The following PDZRN4 variants were observed in gnomAD, a reference collection of about 807,000 sequenced individuals.
PDZRN4 encodes PDZ domain containing ring finger 4.
In PDZRN4, 70 loss-of-function variants were observed where a neutral mutation model predicts 99.0. That is an observed-to-expected ratio of 0.71 (90% CI 0.58 to 0.86). The LOEUF (loss-of-function observed/expected upper bound fraction) is 0.86, where lower values mean the gene tolerates loss of function less well. Ranked by LOEUF, PDZRN4 falls within the 40% of genes least tolerant of loss-of-function variation. The pLI is 0.00. For missense variants in PDZRN4, 1,474 were observed against 1,331.2 expected (o/e 1.11, Z -1.67); for synonymous variants, 551 against 501.6 (o/e 1.10, Z -1.32).
At chr12:41,440,546 G>T (rs1466206750) in intron 3 of PDZRN4, among the ~76,000 whole-genome samples, 1 of 152,062 alleles carries the variant, frequency 6.6e-6, no homozygotes, top group Non-Finnish European at 1.5e-5. Context: ...GTGAAATGAG[G>T]TCAAGTTTAT....
At chr12:41,402,234 TAC>T (rs376908907) in intron 3 of PDZRN4, among the ~76,000 whole-genome samples, 6 of 4,532 alleles carry the variant, frequency 1.3e-3, no homozygotes, top group African/African-American at 4.0e-3. Context: ...ACACTGAGTA[TAC>T]ATATATATAT....
intron 3 of PDZRN4, among the ~76,000 whole-genome samples, chr12:41,308,427 T>C (rs1384009531): frequency 6.6e-6 from 1 of 152,158 alleles, no homozygotes; most frequent in Non-Finnish European, 1.5e-5. Flanking sequence ...TATCGCATTA[T>C]TCATATGTGT....
At chr12:41,197,393 T>C (rs1435700445) in intron 3 of PDZRN4, among the ~76,000 whole-genome samples, 4 of 152,166 alleles carry the variant, frequency 2.6e-5, no homozygotes, top group Admixed American at 6.6e-5. Flanking sequence ...AAAATTACTG[T>C]CATTAGGTAA....
chr12:41,525,795 A>C (rs1023310248), intron 5 of PDZRN4, among the ~76,000 whole-genome samples: 2 of 152,288 alleles, frequency 1.3e-5, no homozygotes, highest in Admixed American at 6.5e-5. Flanking sequence ...ACAAGGAAGA[A>C]TGCTCTGAGA....
chr12:41,546,567 AATGACTTTGTTCTTTGCTTCTTGTGTTT>A (rs1243462795), intron 5 of PDZRN4, among the ~76,000 whole-genome samples: 1 of 152,162 alleles, frequency 6.6e-6, no homozygotes, highest in Non-Finnish European at 1.5e-5. Flanking sequence ...TGTGATTGTG[AATGACTTTGTTCTTTGCTTCTTGTGTTT>A]TTCAGTTTCC....
In PDZRN4 at chr12:41,482,110, T is replaced by A. The variant is rs372333360; in HGVS notation, c.844-24346T>A. Among the ~76,000 whole-genome samples the A allele has an allele frequency of 5.9e-5, 9 of 152,266 alleles. No homozygotes were observed. In the East Asian group the frequency reaches 9.6e-4, roughly 16 times the overall value. On this transcript the variant is annotated intron_variant, in intron 3 of 9. Transcript: ENST00000402685. ...AGCTTGGATCAGTGAATCACTGATG[T>A]CTGACCATTGGGTTGCCTTCTCTTT...
chr12:41,412,647 T>A (rs2120381279), intron 3 of PDZRN4: 1 of 152,296 alleles, frequency 6.6e-6, no homozygotes. Context: ...AATCAGAATG[T>A]TTCACATGAT....
In PDZRN4 at chr12:41,569,474, C is replaced by T. The variant is rs145064929; in HGVS notation, c.1584+1575C>T. Among the ~76,000 whole-genome samples, 27 of 152,000 alleles carry T rather than the reference C, an allele frequency of 1.8e-4. No individual in the cohort carries two copies. The East Asian group carries it at 5.1e-3, about 29-fold the overall frequency. ...TTCACCATGTTGACCAGGCTGGCCT[C>T]GAACTCCTGACCTCAAGTGCTCCAC... On this transcript the variant is annotated intron_variant, in intron 9 of 9. Coordinates refer to ENST00000402685, the MANE Select transcript of PDZRN4 (RefSeq NM_001164595.2).
At chr12:41,538,519 C>G (rs10506195) in intron 5 of PDZRN4, among the ~76,000 whole-genome samples, 24,323 of 151,952 alleles carry the variant, frequency 0.16, 2,120 homozygotes, top group South Asian at 0.24. Flanking sequence ...GCTACTAAAC[C>G]AGAATGAAGA....
At chr12:41,238,045 A>G (rs1951078499) in intron 3 of PDZRN4, among the ~76,000 whole-genome samples, 1 of 152,072 alleles carries the variant, frequency 6.6e-6, no homozygotes, top group Non-Finnish European at 1.5e-5. Context: ...CACTGACTCT[A>G]TAGATTACTT....
chr12:41,381,847 C>T (rs1198767991), intron 3 of PDZRN4, among the ~76,000 whole-genome samples: 1 of 152,140 alleles, frequency 6.6e-6, no homozygotes, highest in African/African-American at 2.4e-5. Flanking sequence ...TCTTCCAGCC[C>T]TTAGACATTT....
At chr12:41,523,084 C>T (rs10880091) in intron 5 of PDZRN4, among the ~76,000 whole-genome samples, 21,202 of 152,028 alleles carry the variant, frequency 0.14, 1,950 homozygotes, top group Non-Finnish European at 0.2. Flanking sequence ...GTGCTTAGTC[C>T]TGTGTGACCC....
At chr12:41,363,306 G>A (rs1012901686) in intron 3 of PDZRN4, among the ~76,000 whole-genome samples, 2 of 151,962 alleles carry the variant, frequency 1.3e-5, no homozygotes, top group African/African-American at 4.8e-5. Flanking sequence ...TTTCAAATGT[G>A]CATTTTTATC....
At chr12:41,307,360 A>G (rs1027120088) in intron 3 of PDZRN4, among the ~76,000 whole-genome samples, 28 of 152,180 alleles carry the variant, frequency 1.8e-4, no homozygotes, top group African/African-American at 6.5e-4. Context: ...ACCTCTTCCC[A>G]TGACCTTTCT....
intron 3 of PDZRN4, among the ~76,000 whole-genome samples, chr12:41,492,574 A>C (rs1231390501): frequency 6.6e-6 from 1 of 152,150 alleles, no homozygotes; most frequent in Non-Finnish European, 1.5e-5. Flanking sequence ...AGTCTCATTC[A>C]GTCATTTAAA....
chr12:41,244,636 C>T (rs1195043891), intron 3 of PDZRN4, among the ~76,000 whole-genome samples: 1 of 151,208 alleles, frequency 6.6e-6, no homozygotes, highest in Non-Finnish European at 1.5e-5. Flanking sequence ...AGGCTTGCCC[C>T]TGGAAGGCCT....
intron 3 of PDZRN4, among the ~76,000 whole-genome samples, chr12:41,408,288 T>C (rs1952364205): frequency 6.6e-6 from 1 of 152,266 alleles, no homozygotes; most frequent in Non-Finnish European, 1.5e-5. Flanking sequence ...AAAAGCTTAT[T>C]GTTTTTAATT....
At chr12:41,254,820 A>T (rs1951193263) in intron 3 of PDZRN4, among the ~76,000 whole-genome samples, 1 of 152,238 alleles carries the variant, frequency 6.6e-6, no homozygotes, top group South Asian at 2.1e-4. Flanking sequence ...GGCCAGGCAC[A>T]GTAGCTCATG....
At chr12:41,269,251 T>C (rs1951298504) in intron 3 of PDZRN4, among the ~76,000 whole-genome samples, 1 of 152,182 alleles carries the variant, frequency 6.6e-6, no homozygotes, top group Non-Finnish European at 1.5e-5. Context: ...CTGTCAATCA[T>C]CTAAATATGA....
Sources: allele counts gnomAD v4.1 joint callset (sites outside exome capture counted in the v4.1 genomes callset), GRCh38; gene constraint gnomAD v4.1.1; transcripts MANE v1.5; gene names NCBI Gene and HGNC (gene_info 2026-07-23, HGNC 2026-07-21).